Variants in PUM3 observed in about 807,000 individuals in gnomAD.
The protein encoded by PUM3 is pumilio RNA binding family member 3, also known as pumilio homolog 3.
Under a neutral mutation model 84.0 loss-of-function variants are expected in PUM3, and 91 were observed. That is an observed-to-expected ratio of 1.08 (90% CI 0.91 to 1.29). The LOEUF is 1.29. Among genes scored for constraint, PUM3 ranks in the 50% most tolerant of loss-of-function variants. The pLI is 0.00. For missense variants in PUM3, 1,067 were observed against 767.5 expected (o/e 1.39, Z -4.61); for synonymous variants, 321 against 266.7 (o/e 1.20, Z -1.98).
chr9:2,819,978 A>C, intron 13 of PUM3, 40 bp downstream of exon 13: 1 of 1,332,448 alleles, frequency 7.5e-7, no homozygotes, highest in Non-Finnish European at 1.1e-6. Context: ...CAACTGGTTT[A>C]TCGATGTAAC....
At chr9:2,809,406 AGAT>A (rs1178462988) in intron 16 of PUM3, among the ~76,000 whole-genome samples, 1 of 152,214 alleles carries the variant, frequency 6.6e-6, no homozygotes, top group Non-Finnish European at 1.5e-5. Context: ...ATAATGAAAA[AGAT>A]TATTCCATAT....
At chr9:2,834,009 A>G (rs766120048) in intron 4 of PUM3, 22 bp downstream of exon 4, 2 of 1,609,662 alleles carry the variant, frequency 1.2e-6, no homozygotes, top group South Asian at 2.2e-5. Flanking sequence ...GGACTAACAA[A>G]GGCATCTTTA....
chr9:2,838,737 C>A (rs1816197160), intron 1 of PUM3, among the ~76,000 whole-genome samples: 1 of 152,122 alleles, frequency 6.6e-6, no homozygotes, highest in South Asian at 2.1e-4. Context: ...AAACTAAGAA[C>A]AACACACACC....
At position 2,834,089 on chromosome 9, in the gene PUM3, C is replaced by T; in HGVS notation, c.382G>A (p.Asp128Asn). 6.2e-7 allele frequency: 1 copy of T among 1,613,834 alleles called. No homozygotes were observed. The highest frequency in any genetic ancestry group is 8.5e-7 in the Non-Finnish European group (1 of 1,179,834). Reference protein sequence around the residue: ...KELKQSRQLSDKTNYDIVVRA... With the variant: ...KELKQSRQLSNKTNYDIVVRA... The stretch of plus-strand genomic sequence containing the variant: ...ACAACAATGTCATAGTTGGTTTTAT[C>T]ACTGAGTTGTCTGCTTTGCTTCAGT... The change falls in exon 4 of 18, where the codon GAT becomes AAT. Residue 128 changes from aspartate to asparagine, a missense_variant. Transcript: ENST00000397885.
At chr9:2,843,114 T>C (rs142098258) in intron 1 of PUM3, among the ~76,000 whole-genome samples, 2 of 152,322 alleles carry the variant, frequency 1.3e-5, no homozygotes, top group Non-Finnish European at 2.9e-5. Flanking sequence ...TTACAAGTCT[T>C]CAATGTTTTC....
chr9:2,817,347 G>C (rs549061891), intron 13 of PUM3, among the ~76,000 whole-genome samples: 66 of 152,048 alleles, frequency 4.3e-4, no homozygotes, highest in Admixed American at 2.9e-3. Flanking sequence ...TGTCCATCTT[G>C]CAAGCTAATA....
chr9:2,814,950 C>T (rs1296301851), intron 13 of PUM3, among the ~76,000 whole-genome samples: 1 of 152,144 alleles, frequency 6.6e-6, no homozygotes, highest in Non-Finnish European at 1.5e-5. Flanking sequence ...GAGCTTTCTC[C>T]ACAGCTTCCA....
At chr9:2,812,544 CA>C (rs978347582) in intron 13 of PUM3, among the ~76,000 whole-genome samples, 182 bp from the exon 14 acceptor site, 1 of 152,040 alleles carries the variant, frequency 6.6e-6, no homozygotes, top group African/African-American at 2.4e-5. Flanking sequence ...TAAACAACAA[CA>C]AAAAAATGAA....
At chr9:2,827,232 A>G in intron 9 of PUM3, 81 bp from the exon 10 acceptor site, 2 of 887,198 alleles carry the variant, frequency 2.3e-6, no homozygotes, top group Non-Finnish European at 3.5e-6. Flanking sequence ...TCAAAGTCCT[A>G]AAGTAATCTA....
chr9:2,807,994 T>G lies in PUM3; in HGVS notation c.1724-90A>C, dbSNP rs553976179. On this transcript the variant is annotated intron_variant, in intron 16 of 17. Coordinates refer to ENST00000397885, the MANE Select transcript of PUM3 (RefSeq NM_014878.5). ...CTACTGCCCTTAAATCTGCAAATAT[T>G]TTTAAACAAAAAAGCTAACAAAAGT... 41 of 783,486 alleles carry G rather than the reference T, an allele frequency of 5.2e-5. No homozygotes were observed. In the African/African-American group the frequency reaches 6.4e-4, roughly 12 times the overall value. 48.5% of individuals were successfully genotyped at this position (783,486 alleles called of 1,614,324 possible).
Position 2,837,298 on chromosome 9 carries a change from T to C in PUM3, c.186A>G (p.Lys62=), listed in dbSNP as rs755589444. The change falls in exon 3 of 18, where the codon AAA becomes AAG. Residue 62 remains lysine (K), a synonymous_variant. Coordinates refer to ENST00000397885, the MANE Select transcript of PUM3 (RefSeq NM_014878.5). The stretch of plus-strand genomic sequence containing the variant: ...TATTCTTGAACTGCTTTACACCCTT[T>C]TTCCCAAGTTTTGTGATACTTTTCT... ...NFEKSITKLG[K]KGVKQFKNKQ... 9.9e-6 allele frequency: 16 copies of C among 1,614,022 alleles called. No individual in the cohort carries two copies. Among genetic ancestry groups the C allele is most frequent in the Non-Finnish European group, 1.4e-5 (16 of 1,179,994 alleles).
chr9:2,837,508 G>T, intron 2 of PUM3, 107 bp from the exon 3 acceptor site: 1 of 689,140 alleles, frequency 1.5e-6, no homozygotes, highest in Non-Finnish European at 2.4e-6. Context: ...CCAATACCAT[G>T]TCTTACTCTC....
In PUM3 at chr9:2,834,065, C is replaced by A; in HGVS notation, c.406G>T (p.Val136Phe). Residue 136 changes from valine (V) to phenylalanine (F), a missense_variant, in exon 4 of 18, where the codon GTT (valine) becomes TTT (phenylalanine). Physicochemically the swap from Val to Phe is conservative, Grantham distance 50 (BLOSUM62 -1). Transcript: ENST00000397885. ...ATCTCCCACATCTGCTTTGCCCGAA[C>A]AACAATGTCATAGTTGGTTTTATCA... The part of the protein sequence containing the change: ...LSDKTNYDIV[V>F]RAKQMWEILR... 1.2e-6 allele frequency: 2 copies of A among 1,613,650 alleles called. No individual in the cohort carries two copies. The highest frequency in any genetic ancestry group is 1.7e-6 in the Non-Finnish European group (2 of 1,179,752).
chr9:2,807,435 A>G (rs1821280983), intron 17 of PUM3, among the ~76,000 whole-genome samples: 1 of 151,370 alleles, frequency 6.6e-6, no homozygotes, highest in Non-Finnish European at 1.5e-5. Flanking sequence ...CATCTCTACA[A>G]AAAATAAAAA....
rs773589519 is a variant in PUM3, at chr9:2,804,196, T to C, written c.*135A>G. 11 of 775,356 alleles carry C rather than the reference T, an allele frequency of 1.4e-5. No individual in the cohort carries two copies. Among genetic ancestry groups the C allele is most frequent in the Non-Finnish European group, 2.1e-5 (11 of 514,478 alleles). The allele number at this position is 775,356 out of a possible 1,614,324, so 48.0% of individuals were successfully genotyped here. ...AAAAAAACAATTTATATAAATAGAT[T>C]CGTATACAAAGAAGAAACACATATA... On this transcript the variant is annotated 3_prime_UTR_variant, in exon 18 of 18. Transcript: ENST00000397885.
Position 2,812,213 on chromosome 9 carries a change from G to A in PUM3, c.1412+7C>T. 1.2e-6 allele frequency: 2 copies of A among 1,612,640 alleles called. No individual in the cohort carries two copies. Among genetic ancestry groups the A allele is most frequent in the Non-Finnish European group, 1.7e-6 (2 of 1,178,874 alleles). On this transcript the variant is annotated splice_region_variant and intron_variant, in intron 14 of 17. Coordinates refer to ENST00000397885, the MANE Select transcript of PUM3 (RefSeq NM_014878.5). ...TAAAGAAGTCAAGCCATTCTACTTG[G>A]TTTTACCTGTGTGCATTTCCATCTC...
At chr9:2,805,516 A>C in intron 17 of PUM3, among the ~76,000 whole-genome samples, 1 of 152,228 alleles carries the variant, frequency 6.6e-6, no homozygotes, top group East Asian at 1.9e-4. Context: ...GAGGAGGATA[A>C]ATTATCAGCA....
At position 2,830,947 on chromosome 9, in the gene PUM3, C is replaced by A. The variant is rs567992683; in HGVS notation, c.677+15G>T. 4 of 1,250,652 alleles carry A rather than the reference C, an allele frequency of 3.2e-6. No homozygotes were observed. The East Asian group carries it at 9.4e-5, about 29-fold the overall frequency. The allele number at this position is 1,250,652 out of a possible 1,614,324, so 77.5% of individuals were successfully genotyped here. On this transcript the variant is annotated intron_variant, in intron 7 of 17. Transcript: ENST00000397885. ...AGACAAAGAAAAAATGTATTTTATACATAAAACAACTTACCCATACATGAG... is the reference window on the plus strand; with the variant it reads ...AGACAAAGAAAAAATGTATTTTATAAATAAAACAACTTACCCATACATGAG...
At chr9:2,825,639 C>T (rs922298274) in intron 10 of PUM3, among the ~76,000 whole-genome samples, 3 of 152,006 alleles carry the variant, frequency 2.0e-5, no homozygotes, top group Admixed American at 6.6e-5. Context: ...CCCGCCACCA[C>T]CCCCGGCTAA....
Sources: gnomAD v4.1 joint callset for allele counts (sites outside exome capture counted in the v4.1 genomes callset) on GRCh38, gnomAD v4.1.1 for gene constraint, MANE v1.5 for transcripts, NCBI Gene and HGNC (gene_info 2026-07-23, HGNC 2026-07-21) for gene names.